PRIM2: variants seen among roughly 807,000 people sequenced by gnomAD.
The protein encoded by PRIM2 is DNA primase large subunit.
Under a neutral mutation model 67.3 loss-of-function variants are expected in PRIM2, and 39 were observed. The ratio of observed to expected loss-of-function variants is 0.58; its 90% confidence interval spans 0.45 to 0.76. The LOEUF is 0.76. Ranked by LOEUF, PRIM2 falls within the 30% of genes least tolerant of loss-of-function variation. The pLI is 0.00. For missense variants in PRIM2, 398 were observed against 598.7 expected, an observed-to-expected ratio of 0.66 and a Z score of 3.50; for synonymous variants, 143 against 198.7, an observed-to-expected ratio of 0.72 and a Z score of 2.36.
chr6:57,408,746 C>T (rs1387885219), intron 7 of PRIM2, among the ~76,000 whole-genome samples: 5 of 152,050 alleles, frequency 3.3e-5, no homozygotes, highest in African/African-American at 1.2e-4. Context: ...GGGTCTTACT[C>T]TGTCACCCAA....
the PRIM2 span, among the ~76,000 whole-genome samples, chr6:57,282,109 G>A: frequency 9.9e-5 from 15 of 152,196 alleles, no homozygotes; most frequent in Admixed American, 7.9e-4. Context: ...ATGTGACCTC[G>A]TCTTTCTCTA....
chr6:57,539,030 T>G (rs1775077865), intron 10 of PRIM2, among the ~76,000 whole-genome samples: 2 of 152,178 alleles, frequency 1.3e-5, no homozygotes, highest in African/African-American at 4.8e-5. Flanking sequence ...AAAGCATAGA[T>G]TTTTAAAAAT....
intron 10 of PRIM2, among the ~76,000 whole-genome samples, chr6:57,561,265 T>A (rs1691057434): frequency 1.3e-5 from 2 of 152,142 alleles, no homozygotes; most frequent in African/African-American, 2.4e-5. Context: ...GGAGTCCCAC[T>A]CTGTTGCCCA....
At chr6:57,529,825 G>A (rs1774848358) in intron 8 of PRIM2, among the ~76,000 whole-genome samples, 1 of 152,114 alleles carries the variant, frequency 6.6e-6, no homozygotes, top group African/African-American at 2.4e-5. Context: ...CTGAAATTGG[G>A]TAATTTATAA....
At chr6:57,291,265 TCCTGGAC>T in the PRIM2 span, among the ~76,000 whole-genome samples, 1 of 152,200 alleles carries the variant, frequency 6.6e-6, no homozygotes, top group Non-Finnish European at 1.5e-5. Flanking sequence ...ATGGATGAAT[TCCTGGAC>T]CCATACACCC....
At chr6:57,312,683 G>A (rs910737213), upstream of PRIM2, among the ~76,000 whole-genome samples, 7 of 151,890 alleles carry the variant, frequency 4.6e-5, no homozygotes, top group Non-Finnish European at 8.8e-5. Flanking sequence ...CATTAACTAC[G>A]TTCACATTAT....
the PRIM2 span, among the ~76,000 whole-genome samples, chr6:57,268,937 T>C: frequency 6.6e-6 from 1 of 151,718 alleles, no homozygotes; most frequent in Non-Finnish European, 1.5e-5. Flanking sequence ...TCCAATTTCA[T>C]CCATGTCCCT....
intron 7 of PRIM2, among the ~76,000 whole-genome samples, chr6:57,490,325 A>G (rs1245199415): frequency 2.6e-5 from 4 of 152,168 alleles, no homozygotes; most frequent in African/African-American, 9.7e-5. Context: ...CATCCTTCTC[A>G]AATTCACCAA....
intron 8 of PRIM2, among the ~76,000 whole-genome samples, chr6:57,519,163 A>C (rs1261268856): frequency 3.2e-4 from 48 of 152,350 alleles, no homozygotes; most frequent in African/African-American, 1.1e-3. Flanking sequence ...TCACGAGGCA[A>C]GTGGAGGCAG....
intron 10 of PRIM2, among the ~76,000 whole-genome samples, chr6:57,571,848 T>G (rs1775869301): frequency 6.6e-6 from 1 of 152,204 alleles, no homozygotes; most frequent in Non-Finnish European, 1.5e-5. Flanking sequence ...TTCTAGTGGA[T>G]GACAGAAAAT....
At chr6:57,413,800 A>G (rs145910562) in intron 7 of PRIM2, among the ~76,000 whole-genome samples, 4 of 152,272 alleles carry the variant, frequency 2.6e-5, no homozygotes, top group African/African-American at 7.2e-5. Flanking sequence ...GTAAAACATT[A>G]TAGTAGACAT....
chr6:57,489,283 G>A (rs1773823137), intron 7 of PRIM2, among the ~76,000 whole-genome samples: 1 of 152,244 alleles, frequency 6.6e-6, no homozygotes. Context: ...TAGGCCGGGT[G>A]CAGTGGCTTA....
intron 10 of PRIM2, among the ~76,000 whole-genome samples, chr6:57,574,929 A>G (rs1775934716): frequency 6.6e-6 from 1 of 152,168 alleles, no homozygotes; most frequent in Non-Finnish European, 1.5e-5. Context: ...AGCTCTCGGT[A>G]TGTCCTGGGC....
At chr6:57,567,028 G>A (rs1484637679) in intron 10 of PRIM2, among the ~76,000 whole-genome samples, 6 of 152,218 alleles carry the variant, frequency 3.9e-5, no homozygotes, top group African/African-American at 1.4e-4. Flanking sequence ...GCTTACAACC[G>A]TGCCTTGTAC....
chr6:57,436,965 G>A (rs910829082), intron 7 of PRIM2, among the ~76,000 whole-genome samples: 5 of 152,108 alleles, frequency 3.3e-5, no homozygotes, highest in Non-Finnish European at 7.4e-5. Flanking sequence ...ATTGCTATAA[G>A]GAAATACTCG....
intron 7 of PRIM2, among the ~76,000 whole-genome samples, chr6:57,488,647 A>C (rs1324123529): frequency 6.6e-6 from 1 of 152,248 alleles, no homozygotes. Context: ...TGTCAGGAGC[A>C]GCAGTCCCAG....
rs200941826 is a variant in PRIM2, at chr6:57,435,392, CCT to C, written c.693+53225_693+53226del. Among the ~76,000 whole-genome samples, 193 of 152,234 alleles carry C rather than the reference CCT, an allele frequency of 1.3e-3. 5 individuals carry two copies. In the East Asian group the frequency reaches 0.016, roughly 13 times the overall value. ...GTCCTGTCCTTTTTGCTGTTCTCTC[CCT>C]GAGACTCTTTTTTCACCTGGATGAT... On this transcript the variant is annotated intron_variant, in intron 7 of 13. Coordinates refer to ENST00000615550, the MANE Select transcript of PRIM2 (RefSeq NM_000947.5).
At chr6:57,382,294 C>T (rs1769991327) in intron 7 of PRIM2, 126 bp downstream of exon 7, 3 of 1,111,124 alleles carry the variant, frequency 2.7e-6, no homozygotes, top group Admixed American at 5.5e-5. Flanking sequence ...ATTCAGATTA[C>T]ATATGATGTT....
the PRIM2 span, among the ~76,000 whole-genome samples, chr6:57,274,943 A>ATTTTTTTTTTTTTTTTTT: frequency 2.6e-4 from 36 of 137,364 alleles, no homozygotes; most frequent in African/African-American, 8.7e-4. Context: ...CACCTGGCTA[A>ATTTTTTTTTTTTTTTTTT]TTTTTTTTTT....
Sources: allele counts gnomAD v4.1 joint callset (sites outside exome capture counted in the v4.1 genomes callset), GRCh38; gene constraint gnomAD v4.1.1; transcripts MANE v1.5; gene names NCBI Gene and HGNC (gene_info 2026-07-23, HGNC 2026-07-21).